The following MICU1 variants were observed in gnomAD, a reference collection of about 807,000 sequenced individuals.
MICU1 encodes the protein calcium uptake protein 1, mitochondrial.
MICU1 carries 45 observed loss-of-function variants against 56.8 expected under a neutral mutation model. The ratio of observed to expected loss-of-function variants is 0.79; its 90% confidence interval spans 0.62 to 1.02. MICU1 has a LOEUF of 1.02. Among genes scored for constraint, MICU1 ranks in the 50% least tolerant of loss-of-function variants. The pLI, the probability that MICU1 is intolerant of heterozygous loss-of-function variation, is 0.00. For synonymous variants in MICU1, 186 were observed against 195.1 expected, an observed-to-expected ratio of 0.95 and a Z score of 0.39; for missense variants, 504 against 587.1, an observed-to-expected ratio of 0.86 and a Z score of 1.46.
intron 1 of MICU1, among the ~76,000 whole-genome samples, chr10:72,578,230 G>T (rs1041383080): frequency 4.6e-5 from 7 of 152,008 alleles, no homozygotes; most frequent in African/African-American, 1.7e-4. Context: ...CTTGCTAAAG[G>T]CTCAGATGAT....
chr10:72,565,447 C>A (rs1840406042), intron 2 of MICU1, among the ~76,000 whole-genome samples: 1 of 130,348 alleles, frequency 7.7e-6, no homozygotes, highest in African/African-American at 3.0e-5. Context: ...AATGAGAACA[C>A]ATGGACACAG....
At chr10:72,485,243 GTT>G (rs1866429425) in intron 6 of MICU1, among the ~76,000 whole-genome samples, 1 of 144,020 alleles carries the variant, frequency 6.9e-6, no homozygotes, top group Non-Finnish European at 1.6e-5. Flanking sequence ...GTTTTGTTTT[GTT>G]TTGTTTTGTT....
chr10:72,406,600 C>A (rs1417099695), intron 10 of MICU1, among the ~76,000 whole-genome samples: 1 of 148,784 alleles, frequency 6.7e-6, no homozygotes, highest in African/African-American at 2.6e-5. Context: ...TGTTCATATA[C>A]TCCTTATTAA....
intron 1 of MICU1, among the ~76,000 whole-genome samples, chr10:72,610,822 A>G (rs1235874227): frequency 6.6e-6 from 1 of 152,202 alleles, no homozygotes; most frequent in Non-Finnish European, 1.5e-5. Flanking sequence ...AGGAGGTTAG[A>G]GGGTGAATAC....
chr10:72,530,085 C>T lies in MICU1; in HGVS notation c.537+3661G>A, dbSNP rs144137888. 9.5e-4 allele frequency among the ~76,000 whole-genome samples: 143 copies of T among 150,034 alleles called. 1 individual carries two copies. The East Asian group carries it at 0.018, about 19-fold the overall frequency. On this transcript the variant is annotated intron_variant, in intron 5 of 11. Transcript: ENST00000361114. ...GCTCACGCCTGTAATCGCAACACTT[C>T]GGGAGGCCAAGGTGGGCAGATTACC...
At chr10:72,424,458 A>G (rs1589203712) in intron 8 of MICU1, among the ~76,000 whole-genome samples, 1 of 151,650 alleles carries the variant, frequency 6.6e-6, no homozygotes, top group African/African-American at 2.4e-5. Flanking sequence ...CAGGTACTTC[A>G]CCAATATGTT....
intron 1 of MICU1, among the ~76,000 whole-genome samples, chr10:72,574,324 G>A (rs948134464): frequency 2.6e-5 from 4 of 152,172 alleles, no homozygotes; most frequent in African/African-American, 9.7e-5. Flanking sequence ...GAATTCAGGA[G>A]TTCAAGACCA....
chr10:72,498,374 T>G (rs1170613593), intron 6 of MICU1, among the ~76,000 whole-genome samples: 1 of 152,124 alleles, frequency 6.6e-6, no homozygotes, highest in Non-Finnish European at 1.5e-5. Context: ...TCACCTGAGG[T>G]CAGGAGGTCG....
intron 4 of MICU1, among the ~76,000 whole-genome samples, chr10:72,535,915 T>A (rs1663832865): frequency 6.6e-6 from 1 of 152,106 alleles, no homozygotes; most frequent in South Asian, 2.1e-4. Flanking sequence ...GCAACATGGA[T>A]GCAACTGGCT....
At chr10:72,484,262 T>A (rs1589265893) in intron 6 of MICU1, among the ~76,000 whole-genome samples, 1 of 152,292 alleles carries the variant, frequency 6.6e-6, no homozygotes, top group East Asian at 1.9e-4. Context: ...TCCAGAAATT[T>A]CCTTAGTGGG....
chr10:72,400,472 G>A (rs564773095), intron 10 of MICU1, among the ~76,000 whole-genome samples: 43 of 152,246 alleles, frequency 2.8e-4, no homozygotes, highest in Non-Finnish European at 4.1e-4. Context: ...CTGGCCGGGC[G>A]TGGTGGCTCA....
intron 4 of MICU1, among the ~76,000 whole-genome samples, chr10:72,544,093 A>C (rs1015475961): frequency 2.0e-5 from 3 of 148,278 alleles, no homozygotes; most frequent in African/African-American, 7.5e-5. Context: ...TTGTATGGAA[A>C]AGCACTGTGA....
chr10:72,587,468 A>AT (rs1473746019), intron 1 of MICU1, among the ~76,000 whole-genome samples: 8 of 150,508 alleles, frequency 5.3e-5, no homozygotes, highest in African/African-American at 1.9e-4. Context: ...ATGTCTCAAA[A>AT]AAAAAAAAAA....
At chr10:72,518,878 A>C (rs1298700444) in intron 5 of MICU1, among the ~76,000 whole-genome samples, 1 of 152,054 alleles carries the variant, frequency 6.6e-6, no homozygotes, top group Non-Finnish European at 1.5e-5. Flanking sequence ...ACAGGGTTTC[A>C]CCATATTGGC....
intron 9 of MICU1, among the ~76,000 whole-genome samples, chr10:72,419,400 C>T (rs1274864975): frequency 2.0e-5 from 3 of 152,210 alleles, no homozygotes; most frequent in African/African-American, 7.2e-5. Flanking sequence ...GTCTTCCCCA[C>T]AGCCAAGAGA....
chr10:72,559,387 T>A (rs962790269), intron 3 of MICU1, among the ~76,000 whole-genome samples: 1 of 151,876 alleles, frequency 6.6e-6, no homozygotes, highest in African/African-American at 2.4e-5. Context: ...GTTGGGTGTT[T>A]ATAAAATTAT....
chr10:72,545,377 G>A (rs1839870829), intron 4 of MICU1, among the ~76,000 whole-genome samples: 1 of 152,194 alleles, frequency 6.6e-6, no homozygotes, highest in African/African-American at 2.4e-5. Context: ...ACCAAAGGTG[G>A]TTTGGTTACA....
intron 1 of MICU1, among the ~76,000 whole-genome samples, chr10:72,608,023 T>G (rs1841740157): frequency 6.6e-6 from 1 of 152,122 alleles, no homozygotes; most frequent in Non-Finnish European, 1.5e-5. Flanking sequence ...GAAGAAAATT[T>G]TGTTTTTCTT....
At chr10:72,550,312 G>GTTT (rs923030266) in intron 4 of MICU1, among the ~76,000 whole-genome samples, 1 of 152,056 alleles carries the variant, frequency 6.6e-6, no homozygotes, top group Admixed American at 6.6e-5. Context: ...TGCCATACAG[G>GTTT]TTTATAGTCT....
Sources: gnomAD v4.1 joint callset for allele counts (sites outside exome capture counted in the v4.1 genomes callset) on GRCh38, gnomAD v4.1.1 for gene constraint, MANE v1.5 for transcripts, NCBI Gene and HGNC (gene_info 2026-07-23, HGNC 2026-07-21) for gene names.